Variants in TANK observed in about 807,000 individuals in gnomAD.
TANK encodes the protein TRAF family member-associated NF-kappa-B activator.
In TANK, 15 loss-of-function variants were observed where a neutral mutation model predicts 43.6. The ratio of observed to expected loss-of-function variants is 0.34; its 90% CI spans 0.23 to 0.53. The LOEUF (loss-of-function observed/expected upper bound fraction) is 0.53, where lower values mean the gene tolerates loss of function less well. Among genes scored for constraint, TANK ranks in the 20% least tolerant of loss-of-function variants. The pLI is 0.94. For missense variants in TANK, 417 were observed against 498.6 expected (o/e 0.84, Z 1.56); for synonymous variants, 162 against 178.2 (o/e 0.91, Z 0.73).
At chr2:161,137,237 A>G (rs1169096240) in intron 1 of TANK, 32 of 985,294 alleles carry the variant, frequency 3.2e-5, no homozygotes, top group Non-Finnish European at 3.9e-5. Flanking sequence ...TGGCCTTTAA[A>G]AAATGGCTGG....
intron 1 of TANK, among the ~76,000 whole-genome samples, chr2:161,153,911 C>T (rs557347168): frequency 4.1e-4 from 62 of 152,172 alleles, no homozygotes; most frequent in Middle Eastern, 3.4e-3. Context: ...AACATATGAA[C>T]GAGGCAACTT....
intron 2 of TANK, among the ~76,000 whole-genome samples, chr2:161,198,040 A>G (rs1686234868): frequency 2.0e-5 from 3 of 152,202 alleles, no homozygotes; most frequent in Admixed American, 6.5e-5. Context: ...TCTTAACACT[A>G]TCTAAGTCAG....
chr2:161,172,728 G>A (rs1334100689), intron 1 of TANK, among the ~76,000 whole-genome samples: 1 of 152,064 alleles, frequency 6.6e-6, no homozygotes, highest in African/African-American at 2.4e-5. Context: ...AGATTCTGAG[G>A]TCCCATTTCA....
At chr2:161,220,252 A>G (rs902935168) in intron 4 of TANK, among the ~76,000 whole-genome samples, 3 of 152,216 alleles carry the variant, frequency 2.0e-5, no homozygotes, top group Non-Finnish European at 4.4e-5. Flanking sequence ...GGTTTCTTAC[A>G]TACATATGAG....
At chr2:161,171,630 A>T (rs1299147527) in intron 1 of TANK, among the ~76,000 whole-genome samples, 1 of 152,154 alleles carries the variant, frequency 6.6e-6, no homozygotes, top group African/African-American at 2.4e-5. Flanking sequence ...TTAAATTGTG[A>T]TTTAAAGAGA....
intron 2 of TANK, among the ~76,000 whole-genome samples, chr2:161,191,595 G>A (rs1685916719): frequency 6.6e-6 from 1 of 152,156 alleles, no homozygotes; most frequent in South Asian, 2.1e-4. Flanking sequence ...GAGAGATGAA[G>A]TAACTTGCCC....
chr2:161,181,116 A>G (rs1685402904), intron 2 of TANK, among the ~76,000 whole-genome samples: 1 of 152,126 alleles, frequency 6.6e-6, no homozygotes, highest in African/African-American at 2.4e-5. Flanking sequence ...ACTGCTATAC[A>G]CTGCTATAAA....
chr2:161,213,529 G>A (rs1686985365), intron 4 of TANK, among the ~76,000 whole-genome samples: 2 of 151,548 alleles, frequency 1.3e-5, no homozygotes, highest in Admixed American at 1.3e-4. Context: ...CTTGAACCTA[G>A]GAGATGGAGG....
intron 1 of TANK, among the ~76,000 whole-genome samples, chr2:161,153,683 G>A (rs1684141293): frequency 1.1e-5 from 1 of 92,412 alleles, no homozygotes; most frequent in Non-Finnish European, 2.1e-5. Context: ...GTGAGGCCCT[G>A]TCTCAAAAAA....
At chr2:161,196,013 A>C (rs1027073830) in intron 2 of TANK, among the ~76,000 whole-genome samples, 15 of 152,280 alleles carry the variant, frequency 9.9e-5, no homozygotes, top group Admixed American at 9.8e-4. Flanking sequence ...TGAACCCAGG[A>C]GGTGGAGGTT....
At chr2:161,164,234 A>T (rs773275369) in intron 1 of TANK, among the ~76,000 whole-genome samples, 14 of 152,230 alleles carry the variant, frequency 9.2e-5, no homozygotes, top group Non-Finnish European at 1.8e-4. Context: ...GATGCTATGC[A>T]TTAGCTGATT....
At chr2:161,183,769 G>C (rs1281001920) in intron 2 of TANK, among the ~76,000 whole-genome samples, 2 of 151,922 alleles carry the variant, frequency 1.3e-5, no homozygotes, top group Non-Finnish European at 2.9e-5. Flanking sequence ...CATTTATTGA[G>C]TACCTCCTAA....
chr2:161,233,412 AT>A (rs201860993), intron 7 of TANK, among the ~76,000 whole-genome samples: 84 of 150,602 alleles, frequency 5.6e-4, no homozygotes, highest in South Asian at 4.7e-3. Flanking sequence ...AATAATAATA[AT>A]TTTTTTTTTA....
chr2:161,177,731 G>T (rs1324094799), intron 1 of TANK, among the ~76,000 whole-genome samples: 1 of 152,082 alleles, frequency 6.6e-6, no homozygotes, highest in Non-Finnish European at 1.5e-5. Context: ...ATCAAGAAGT[G>T]AAAAGGCATC....
intron 2 of TANK, chr2:161,202,754 T>C: frequency 2.6e-6 from 1 of 381,500 alleles, no homozygotes; most frequent in Non-Finnish European, 5.3e-6. Context: ...TTTAAGACTG[T>C]ACTAATTTGG....
At chr2:161,208,245 A>G in intron 4 of TANK, 2 of 984,188 alleles carry the variant, frequency 2.0e-6, no homozygotes, top group Non-Finnish European at 2.4e-6. Flanking sequence ...TGAAGGGGAA[A>G]GAGGCCCTTT....
At chr2:161,230,010 CTTCT>C (rs1452150203) in intron 6 of TANK, among the ~76,000 whole-genome samples, 1 of 152,154 alleles carries the variant, frequency 6.6e-6, no homozygotes, top group Non-Finnish European at 1.5e-5. Context: ...CTTATATCAG[CTTCT>C]TTGTCTTTCT....
intron 1 of TANK, 73 bp from the exon 2 acceptor site, chr2:161,179,541 T>C (rs1231018223): frequency 7.4e-7 from 1 of 1,346,928 alleles, no homozygotes; most frequent in Non-Finnish European, 1.0e-6. Flanking sequence ...TATAGAACTA[T>C]CTTTAAGATG....
At chr2:161,173,503 TTACTTAACAGTTTTC>T (rs1434995785) in intron 1 of TANK, among the ~76,000 whole-genome samples, 1 of 152,206 alleles carries the variant, frequency 6.6e-6, no homozygotes, top group Non-Finnish European at 1.5e-5. Flanking sequence ...TTTATACCTT[TTACTTAACAGTTTTC>T]TTCTTCTTTT....
Sources: gnomAD v4.1 joint callset for allele counts (sites outside exome capture counted in the v4.1 genomes callset) on GRCh38, gnomAD v4.1.1 for gene constraint, MANE v1.5 for transcripts, NCBI Gene and HGNC (gene_info 2026-07-23, HGNC 2026-07-21) for gene names.